Variants in GCNT1 observed in about 807,000 individuals in gnomAD.
The protein encoded by GCNT1 is beta-1,3-galactosyl-O-glycosyl-glycoprotein beta-1,6-N-acetylglucosaminyltransferase.
Under a neutral mutation model 26.2 loss-of-function variants are expected in GCNT1, and 16 were observed. The observed-to-expected ratio is 0.61, with a 90% CI of 0.41 to 0.93. The LOEUF is 0.93. GCNT1 is among the 40% of genes least tolerant of loss of function. The probability of loss-of-function intolerance (pLI) is 0.00; values close to 1 mark genes in which losing one functional copy is unlikely to be tolerated. For synonymous variants in GCNT1, 183 were observed against 190.8 expected (o/e 0.96, Z 0.34); for missense variants, 477 against 526.7 (o/e 0.91, Z 0.92).
intron 1 of GCNT1, among the ~76,000 whole-genome samples, chr9:76,445,639 C>T (rs149805037): frequency 0.028 from 4,166 of 150,910 alleles, 100 homozygotes; most frequent in Non-Finnish European, 0.038. Context: ...GCGATCCTCC[C>T]GCCTTGGCCT....
chr9:76,479,325 A>C (rs1824351134), intron 2 of GCNT1, among the ~76,000 whole-genome samples: 1 of 152,182 alleles, frequency 6.6e-6, no homozygotes, highest in Non-Finnish European at 1.5e-5. Flanking sequence ...CTACGTGTGC[A>C]TGTGTCTTTC....
chr9:76,430,666 A>G (rs1564221488), intron 1 of GCNT1, among the ~76,000 whole-genome samples: 1 of 151,864 alleles, frequency 6.6e-6, no homozygotes, highest in Non-Finnish European at 1.5e-5. Context: ...GATTACAAGA[A>G]TGAGCCACTG....
intron 1 of GCNT1, among the ~76,000 whole-genome samples, chr9:76,447,397 G>A (rs149456997): frequency 6.0e-4 from 91 of 151,464 alleles, no homozygotes; most frequent in Admixed American, 1.3e-3. Flanking sequence ...GCACCACCAC[G>A]CCCCAGCTAA....
rs763929261 is a variant in GCNT1, at chr9:76,502,684, T to C, written c.303T>C (p.Ser101=). 6.2e-7 allele frequency: 1 copy of C among 1,614,206 alleles called. No individual in the cohort carries two copies. The highest frequency in any genetic ancestry group is 1.7e-5 in the Admixed American group (1 of 60,028). Residue 101 remains serine (S), a synonymous_variant, in exon 4 of 4, where the codon TCT becomes TCC. Coordinates refer to ENST00000376730, the MANE Select transcript of GCNT1 (RefSeq NM_001490.5). ...ATATAAACATGACCAGTGACTGTTC[T>C]TCTTTCATCAAGAGACGCAAATATA... ...DDYINMTSDC[S]SFIKRRKYIV...
At chr9:76,474,080 A>G (rs1055205145) in intron 2 of GCNT1, among the ~76,000 whole-genome samples, 1 of 152,200 alleles carries the variant, frequency 6.6e-6, no homozygotes, top group Admixed American at 6.5e-5. Flanking sequence ...AGCTTGGGTA[A>G]CAGAGCGATA....
Position 76,503,389 on chromosome 9 carries a change from C to T in GCNT1, c.1008C>T (p.Leu336=). 2 of 1,614,170 alleles carry T rather than the reference C, an allele frequency of 1.2e-6. No individual in the cohort carries two copies. The highest frequency in any genetic ancestry group is 1.7e-6 in the Non-Finnish European group (2 of 1,180,020). The change falls in exon 4 of 4, where the codon CTC becomes CTT. Residue 336 remains leucine, a synonymous_variant. Coordinates refer to ENST00000376730, the MANE Select transcript of GCNT1 (RefSeq NM_001490.5). Reference sequence around the variant, plus strand: ...GGATTCCTGAAGTCCCGGGCTCACTCCCTGCCAGCCATAAGTATGATCTGT... The same window carrying T: ...GGATTCCTGAAGTCCCGGGCTCACTTCCTGCCAGCCATAAGTATGATCTGT... The part of the protein sequence containing the change: ...IQRIPEVPGS[L]PASHKYDLSD...
the GCNT1 span, among the ~76,000 whole-genome samples, chr9:76,406,987 G>A: frequency 6.6e-6 from 1 of 152,170 alleles, no homozygotes; most frequent in Non-Finnish European, 1.5e-5. Flanking sequence ...GTTGCAGTGA[G>A]CTGAGATTGT....
chr9:76,463,259 T>C (rs1823914059), intron 2 of GCNT1, among the ~76,000 whole-genome samples: 1 of 151,042 alleles, frequency 6.6e-6, no homozygotes, highest in Non-Finnish European at 1.5e-5. Context: ...GCTACATAAT[T>C]TGTGGGGCCC....
chr9:76,440,130 A>G (rs977831129), upstream of GCNT1, among the ~76,000 whole-genome samples: 5 of 151,824 alleles, frequency 3.3e-5, no homozygotes, highest in African/African-American at 4.8e-5. Context: ...GAAAAAATGA[A>G]TAAACTAACA....
At chr9:76,471,296 G>C (rs1359379063) in intron 2 of GCNT1, among the ~76,000 whole-genome samples, 1 of 152,104 alleles carries the variant, frequency 6.6e-6, no homozygotes, top group East Asian at 1.9e-4. Flanking sequence ...AAAGTGCTGG[G>C]ATTACAGGTG....
At chr9:76,493,014 T>C (rs1443890644) in intron 2 of GCNT1, among the ~76,000 whole-genome samples, 2 of 152,218 alleles carry the variant, frequency 1.3e-5, no homozygotes, top group Admixed American at 6.5e-5. Flanking sequence ...TTAGGATCAA[T>C]TGACCCTCGA....
chr9:76,469,738 C>T lies in GCNT1; in HGVS notation c.-290+9561C>T, dbSNP rs569911307. Among the ~76,000 whole-genome samples, 27 of 152,326 alleles carry T rather than the reference C, an allele frequency of 1.8e-4. No individual in the cohort carries two copies. In the Middle Eastern group the frequency reaches 0.017, roughly 96 times the overall value. ...CGCTCCCGATCGGGCTAAAGGCTTG[C>T]CATTGTTCCTGCACGGCTAAGTGCC... On this transcript the variant is annotated intron_variant, in intron 2 of 3. Transcript: ENST00000376730.
Position 76,502,788 on chromosome 9 carries a change from T to A in GCNT1, c.407T>A (p.Leu136His). Residue 136 changes from leucine to histidine, a missense_variant, in exon 4 of 4, where the codon CTT (leucine) becomes CAT (histidine). Leu to His is a moderately conservative substitution (Grantham distance 99, BLOSUM62 -3). Transcript: ENST00000376730. Reference sequence around the variant, plus strand: ...GTGGTTCATCACAAGATTGAAATGCTTGACAGGCTGCTGAGGGCCATCTAT... The same window carrying A: ...GTGGTTCATCACAAGATTGAAATGCATGACAGGCTGCTGAGGGCCATCTAT... ...SIVVHHKIEM[L>H]DRLLRAIYMP... 1 of 1,614,202 alleles carries A rather than the reference T, an allele frequency of 6.2e-7. No homozygotes were observed. Among genetic ancestry groups the A allele is most frequent in the Non-Finnish European group, 8.5e-7 (1 of 1,180,012 alleles).
chr9:76,499,646 T>C (rs1467808948), intron 2 of GCNT1, among the ~76,000 whole-genome samples: 1 of 152,220 alleles, frequency 6.6e-6, no homozygotes, highest in African/African-American at 2.4e-5. Flanking sequence ...TTCTTGGATG[T>C]GCAAATTAAT....
intron 1 of GCNT1, among the ~76,000 whole-genome samples, chr9:76,420,944 GAA>G (rs35205492): frequency 5.7e-5 from 7 of 123,128 alleles, no homozygotes; most frequent in Admixed American, 8.8e-5. Flanking sequence ...ATCTCAAAAG[GAA>G]AAAAAAAAAA....
chr9:76,462,183 A>G (rs1309584715), intron 2 of GCNT1, among the ~76,000 whole-genome samples: 1 of 151,264 alleles, frequency 6.6e-6, no homozygotes, highest in East Asian at 1.9e-4. Flanking sequence ...GACTCTTGTC[A>G]CTATTTTTAT....
At chr9:76,497,223 G>A (rs1395058326) in intron 2 of GCNT1, among the ~76,000 whole-genome samples, 1 of 152,074 alleles carries the variant, frequency 6.6e-6, no homozygotes, top group Admixed American at 6.5e-5. Context: ...TCCTTGTGTG[G>A]GTGTGTAATT....
chr9:76,403,992 T>G, the GCNT1 span, among the ~76,000 whole-genome samples: 1 of 152,310 alleles, frequency 6.6e-6, no homozygotes, highest in African/African-American at 2.4e-5. Flanking sequence ...AATGAGTAAA[T>G]ATGTCTGAGA....
At chr9:76,480,954 A>G (rs923475444) in intron 2 of GCNT1, among the ~76,000 whole-genome samples, 3 of 152,078 alleles carry the variant, frequency 2.0e-5, no homozygotes, top group African/African-American at 4.8e-5. Flanking sequence ...AGAAAAAAAA[A>G]ATAGCTGGGC....
Sources: allele counts gnomAD v4.1 joint callset (sites outside exome capture counted in the v4.1 genomes callset), GRCh38; gene constraint gnomAD v4.1.1; transcripts MANE v1.5; gene names NCBI Gene and HGNC (gene_info 2026-07-23, HGNC 2026-07-21).